The following IFT81 variants were observed in gnomAD, a reference collection of about 807,000 sequenced individuals.
The protein encoded by IFT81 is intraflagellar transport protein 81 homolog.
In IFT81, 72 loss-of-function variants were observed where a neutral mutation model predicts 102.6. The ratio of observed to expected loss-of-function variants is 0.70; its 90% CI spans 0.58 to 0.85. The LOEUF (loss-of-function observed/expected upper bound fraction) is 0.85, where lower values mean the gene tolerates loss of function less well. IFT81 is among the 40% of genes least tolerant of loss of function. IFT81 has a pLI of 0.00. For synonymous variants in IFT81, 237 were observed against 242.7 expected (o/e 0.98, Z 0.22); for missense variants, 723 against 787.3 (o/e 0.92, Z 0.98).
chr12:110,193,144 CAG>C lies in IFT81; in HGVS notation c.1557+441_1557+442del, dbSNP rs543602918. On this transcript the variant is annotated intron_variant, in intron 14 of 18. Transcript: ENST00000242591. ...TGCCACTGTACTCCAGCTTGGGTGACAGAGTGAGACCCTGTCTCCCACCCCTC... is the reference window on the plus strand; with the variant it reads ...TGCCACTGTACTCCAGCTTGGGTGACAGTGAGACCCTGTCTCCCACCCCTC... Among the ~76,000 whole-genome samples, 295 of 152,262 alleles carry C rather than the reference CAG, an allele frequency of 1.9e-3. 2 individuals carry two copies. The highest frequency in any genetic ancestry group is 6.7e-3 in the African/African-American group (280 of 41,534).
intron 8 of IFT81, among the ~76,000 whole-genome samples, chr12:110,141,322 GAC>G (rs1229162579): frequency 6.6e-6 from 1 of 152,134 alleles, no homozygotes; most frequent in Admixed American, 6.6e-5. Flanking sequence ...ACAGGTGTGA[GAC>G]ACCACGCCCA....
chr12:110,196,349 TC>T (rs1419739090), intron 14 of IFT81, among the ~76,000 whole-genome samples: 2 of 152,068 alleles, frequency 1.3e-5, no homozygotes, highest in Non-Finnish European at 2.9e-5. Context: ...CGAAACTCTG[TC>T]TCTACCAAAA....
At chr12:110,132,662 A>AT (rs779798086) in intron 5 of IFT81, 26 bp downstream of exon 5, 3 of 1,235,856 alleles carry the variant, frequency 2.4e-6, no homozygotes, top group South Asian at 1.3e-5. Context: ...CATAGTAACA[A>AT]TTTTTTTGGG....
At chr12:110,150,807 T>C (rs1056992152) in intron 10 of IFT81, among the ~76,000 whole-genome samples, 3 of 152,188 alleles carry the variant, frequency 2.0e-5, no homozygotes, top group African/African-American at 7.2e-5. Flanking sequence ...CACCCTATTC[T>C]TTCCTTCCCA....
At chr12:110,184,673 G>A (rs1897447077) in intron 12 of IFT81, among the ~76,000 whole-genome samples, 2 of 152,202 alleles carry the variant, frequency 1.3e-5, no homozygotes, top group Non-Finnish European at 1.5e-5. Context: ...AAAGGAAAGG[G>A]CAAAGGAAGA....
rs76309426 is a variant in IFT81 at position 110,200,063 on chromosome 12, C to T, written c.1558-3801C>T. ...TCACCAAGGGTAGCCATAATGTTAC[C>T]CTTTCTTTTTGGTCCTGTTAATTTC... On this transcript the variant is annotated intron_variant, in intron 14 of 18. Coordinates refer to ENST00000242591, the MANE Select transcript of IFT81 (RefSeq NM_014055.4). 3.4e-3 allele frequency among the ~76,000 whole-genome samples: 522 copies of T among 152,264 alleles called. 3 individuals are homozygous for T. Among genetic ancestry groups the T allele is most frequent in the Non-Finnish European group, 6.4e-3 (432 of 68,016 alleles).
rs182712805 is a variant in IFT81 at position 110,180,591 on chromosome 12, G to A, written c.1338+20G>A. 149 of 1,566,272 alleles carry A rather than the reference G, an allele frequency of 9.5e-5. No individual in the cohort carries two copies. In the African/African-American group the frequency reaches 1.6e-3, roughly 17 times the overall value. On this transcript the variant is annotated intron_variant, in intron 12 of 18. Transcript: ENST00000242591. ...CAACTGGTAATACAGTATTATCTTG[G>A]GCTACTATAAATACAAATGCCAGGA... is the stretch of plus-strand genomic sequence containing the variant.
chr12:110,217,994 T>C (rs1029834228), intron 18 of IFT81, 50 bp from the exon 19 acceptor site: 3 of 1,348,474 alleles, frequency 2.2e-6, no homozygotes, highest in African/African-American at 1.5e-5. Flanking sequence ...GCAATAGAAA[T>C]AAACCCCTGT....
At chr12:110,179,767 TATATATACAC>T (rs1224582158) in intron 11 of IFT81, among the ~76,000 whole-genome samples, 1 of 66,824 alleles carries the variant, frequency 1.5e-5, no homozygotes, top group African/African-American at 6.0e-5. Context: ...TATATATATA[TATATATACAC>T]ACACACACAC....
At chr12:110,129,326 T>A (rs541748761) in intron 4 of IFT81, among the ~76,000 whole-genome samples, 196 bp downstream of exon 4, 1 of 151,874 alleles carries the variant, frequency 6.6e-6, no homozygotes, top group East Asian at 1.9e-4. Flanking sequence ...GTTTTAGTGA[T>A]AGGAGTATGT....
At chr12:110,170,445 G>A (rs1896677920) in intron 11 of IFT81, among the ~76,000 whole-genome samples, 1 of 152,166 alleles carries the variant, frequency 6.6e-6, no homozygotes, top group African/African-American at 2.4e-5. Context: ...TTACTGGAAG[G>A]ACGAAGAATA....
chr12:110,160,538 C>A (rs890043376), intron 10 of IFT81, among the ~76,000 whole-genome samples: 1 of 152,198 alleles, frequency 6.6e-6, no homozygotes, highest in Non-Finnish European at 1.5e-5. Context: ...GCACTGGAAG[C>A]TGATTGGATG....
At chr12:110,146,543 A>T (rs1026659489) in intron 9 of IFT81, among the ~76,000 whole-genome samples, 27 of 152,226 alleles carry the variant, frequency 1.8e-4, no homozygotes, top group African/African-American at 5.8e-4. Flanking sequence ...GACATAGATG[A>T]TTAAATCTAT....
chr12:110,149,667 T>C (rs1426098482), intron 10 of IFT81, among the ~76,000 whole-genome samples: 1 of 152,132 alleles, frequency 6.6e-6, no homozygotes, highest in Non-Finnish European at 1.5e-5. Flanking sequence ...CCGAGTGGCC[T>C]GACTCTTCTT....
chr12:110,134,823 C>T, intron 5 of IFT81, 125 bp from the exon 6 acceptor site: 4 of 676,680 alleles, frequency 5.9e-6, no homozygotes, highest in Middle Eastern at 2.8e-4. Context: ...AAAAGAGGAT[C>T]TTGGTTGTTA....
intron 4 of IFT81, among the ~76,000 whole-genome samples, chr12:110,131,002 G>T (rs753060579): frequency 6.6e-6 from 1 of 151,966 alleles, no homozygotes; most frequent in Non-Finnish European, 1.5e-5. Flanking sequence ...TAACTTTTTG[G>T]CCAGGCACAG....
intron 11 of IFT81, among the ~76,000 whole-genome samples, chr12:110,165,433 A>T (rs180762667): frequency 2.3e-4 from 35 of 152,298 alleles, no homozygotes; most frequent in Middle Eastern, 3.4e-3. Context: ...TTGATATCAC[A>T]TAGTAATCTC....
chr12:110,132,973 T>C (rs1052713546), intron 5 of IFT81, among the ~76,000 whole-genome samples: 2 of 146,670 alleles, frequency 1.4e-5, no homozygotes, highest in Non-Finnish European at 3.0e-5. Flanking sequence ...TCTCTCTCTT[T>C]TTTTTTTTTT....
chr12:110,199,713 C>T (rs1256383429), intron 14 of IFT81, among the ~76,000 whole-genome samples: 2 of 152,150 alleles, frequency 1.3e-5, no homozygotes, highest in Non-Finnish European at 2.9e-5. Flanking sequence ...CATCCCCTTT[C>T]TTCCAACAAT....
Sources: gnomAD v4.1 joint callset for allele counts (sites outside exome capture counted in the v4.1 genomes callset) on GRCh38, gnomAD v4.1.1 for gene constraint, MANE v1.5 for transcripts, NCBI Gene and HGNC (gene_info 2026-07-23, HGNC 2026-07-21) for gene names.